The following NCOA3 variants were observed in gnomAD, a reference collection of about 807,000 sequenced individuals.
The protein encoded by NCOA3 is CBP-interacting protein.
A neutral mutation model predicts 158.8 loss-of-function variants in NCOA3; 51 were observed. The observed-to-expected ratio is 0.32, with a 90% CI of 0.26 to 0.41. The LOEUF is 0.41. Among genes scored for constraint, NCOA3 ranks in the 10% least tolerant of loss-of-function variants. NCOA3 has a pLI of 1.00. For missense variants in NCOA3, 1,510 were observed against 1,746.6 expected (o/e 0.86, Z 2.41); for synonymous variants, 537 against 592.4 (o/e 0.91, Z 1.36).
chr20:47,577,648 A>G (rs2085392499), intron 1 of NCOA3, among the ~76,000 whole-genome samples: 1 of 152,230 alleles, frequency 6.6e-6, no homozygotes, highest in African/African-American at 2.4e-5. Flanking sequence ...AATTGATGGC[A>G]GCAACTGTGA....
rs149047859 is a variant in NCOA3, at chr20:47,520,127, G to A, written c.-99+18108G>A. On this transcript the variant is annotated intron_variant, in intron 1 of 22. Coordinates refer to ENST00000371998, the MANE Select transcript of NCOA3 (RefSeq NM_181659.3). ...GGTTGTCAGTGGCCTCAGTGCTTTC[G>A]GGCTACACCCTTGTTTACAGTGACA... Among the ~76,000 whole-genome samples the A allele has an allele frequency of 7.9e-3, 1,182 of 150,476 alleles. 20 individuals are homozygous for A. The highest frequency in any genetic ancestry group is 0.027 in the African/African-American group (1,106 of 40,856).
At chr20:47,522,337 C>T (rs1346367220) in intron 1 of NCOA3, among the ~76,000 whole-genome samples, 2 of 150,984 alleles carry the variant, frequency 1.3e-5, no homozygotes, top group East Asian at 3.9e-4. Context: ...CTCCTGACCT[C>T]GTGATCTGCC....
intron 1 of NCOA3, among the ~76,000 whole-genome samples, chr20:47,513,213 T>G (rs558156989): frequency 1.3e-5 from 2 of 152,144 alleles, no homozygotes; most frequent in African/African-American, 4.8e-5. Flanking sequence ...TATTATACAC[T>G]TAGCATATAA....
At chr20:47,507,401 C>A (rs2084046285) in intron 1 of NCOA3, among the ~76,000 whole-genome samples, 2 of 152,154 alleles carry the variant, frequency 1.3e-5, no homozygotes, top group Non-Finnish European at 2.9e-5. Flanking sequence ...ATGTATATCA[C>A]CCCTCCACAC....
At chr20:47,502,439 G>T in intron 1 of NCOA3, among the ~76,000 whole-genome samples, 1 of 152,280 alleles carries the variant, frequency 6.6e-6, no homozygotes, top group East Asian at 1.9e-4. Flanking sequence ...GCAGCTTCTG[G>T]GACGCACGGG....
In NCOA3 at chr20:47,553,132, G is replaced by A. The variant is rs575365951; in HGVS notation, c.-98-30051G>A. Among the ~76,000 whole-genome samples, 379 of 151,990 alleles carry A rather than the reference G, an allele frequency of 2.5e-3. 1 individual carries two copies. Among genetic ancestry groups the A allele is most frequent in the African/African-American group, 8.7e-3 (360 of 41,452 alleles). The stretch of plus-strand genomic sequence containing the variant: ...TATTTTTATGTAGAGACGGGGTTTC[G>A]CCATGTTGCTCAGTCTGGTCTTGAA... On this transcript the variant is annotated intron_variant, in intron 1 of 22. Coordinates refer to ENST00000371998, the MANE Select transcript of NCOA3 (RefSeq NM_181659.3).
chr20:47,541,975 T>G (rs922759723), intron 1 of NCOA3, among the ~76,000 whole-genome samples: 1 of 150,756 alleles, frequency 6.6e-6, no homozygotes, highest in Non-Finnish European at 1.5e-5. Flanking sequence ...TCTTTTTTCC[T>G]TCCAATTTAT....
chr20:47,570,120 T>G (rs557418018), intron 1 of NCOA3, among the ~76,000 whole-genome samples: 1 of 152,268 alleles, frequency 6.6e-6, no homozygotes, highest in East Asian at 1.9e-4. Flanking sequence ...TTCACTGGGG[T>G]AGATGCCATC....
intron 1 of NCOA3, among the ~76,000 whole-genome samples, chr20:47,535,814 G>A (rs1258545326): frequency 6.6e-6 from 1 of 151,970 alleles, no homozygotes; most frequent in African/African-American, 2.4e-5. Context: ...CCGAGTGCAA[G>A]GTTTTATTGA....
chr20:47,502,648 T>G (rs2083956280), intron 1 of NCOA3, among the ~76,000 whole-genome samples: 1 of 151,670 alleles, frequency 6.6e-6, no homozygotes, highest in Admixed American at 6.6e-5. Flanking sequence ...GGCTGGGAAA[T>G]GGCAAGTGGG....
At position 47,656,800 on chromosome 20, in the gene NCOA3, TG is replaced by T. The variant is rs1387561434; in HGVS notation, c.*3388del. On this transcript the variant is annotated 3_prime_UTR_variant, in exon 23 of 23. Coordinates refer to ENST00000371998, the MANE Select transcript of NCOA3 (RefSeq NM_181659.3). Reference sequence around the variant, plus strand: ...AATTGAAACCACATGAAATGACTTATGGGGGATGGTGAGCTGTGACTGCTTT... The same window carrying T: ...AATTGAAACCACATGAAATGACTTATGGGGATGGTGAGCTGTGACTGCTTT... The T allele has an allele frequency of 6.6e-6, 1 of 152,214 alleles. No individual in the cohort carries two copies. The highest frequency in any genetic ancestry group is 1.5e-5 in the Non-Finnish European group (1 of 67,992). The allele number at this position is 152,214 out of a possible 1,614,324, so 9.4% of individuals were successfully genotyped here.
At chr20:47,612,016 G>A (rs1029516655) in intron 2 of NCOA3, among the ~76,000 whole-genome samples, 8 of 152,072 alleles carry the variant, frequency 5.3e-5, no homozygotes, top group Non-Finnish European at 7.4e-5. Flanking sequence ...TTGTAGAGAC[G>A]GCGTTTTGCC....
At position 47,597,870 on chromosome 20, in the gene NCOA3, C is replaced by A. The variant is rs118186110; in HGVS notation, c.-20+14609C>A. On this transcript the variant is annotated intron_variant, in intron 2 of 22. Transcript: ENST00000371998. ...TCTCTTCTTGCATGTTGTCTGCTTT[C>A]CCCATTAGAGCCCGTTAACATATTA... Among the ~76,000 whole-genome samples, 1,454 of 152,136 alleles carry A rather than the reference C, an allele frequency of 9.6e-3. 13 individuals carry two copies. Among genetic ancestry groups the A allele is most frequent in the Non-Finnish European group, 0.015 (997 of 67,984 alleles).
chr20:47,588,519 G>A (rs958291688), intron 2 of NCOA3, among the ~76,000 whole-genome samples: 1 of 152,036 alleles, frequency 6.6e-6, no homozygotes, highest in African/African-American at 2.4e-5. Flanking sequence ...TTATTTACTT[G>A]TTTGCTTATG....
At chr20:47,578,145 G>C (rs1290507649) in intron 1 of NCOA3, among the ~76,000 whole-genome samples, 2 of 151,634 alleles carry the variant, frequency 1.3e-5, no homozygotes, top group Non-Finnish European at 2.9e-5. Context: ...ACTGAGTTAA[G>C]TTTATATAGC....
chr20:47,535,591 T>G (rs777805617), intron 1 of NCOA3, among the ~76,000 whole-genome samples: 5 of 151,740 alleles, frequency 3.3e-5, no homozygotes, highest in Admixed American at 6.6e-5. Flanking sequence ...CACTGCAGCC[T>G]CCTCCTCCCA....
chr20:47,531,695 G>T (rs757217634), intron 1 of NCOA3, among the ~76,000 whole-genome samples: 7 of 152,004 alleles, frequency 4.6e-5, no homozygotes, highest in Non-Finnish European at 7.4e-5. Context: ...ACCTCTTCAT[G>T]CACTTCCCCT....
chr20:47,507,105 A>T (rs779231686), intron 1 of NCOA3, among the ~76,000 whole-genome samples: 1 of 152,250 alleles, frequency 6.6e-6, no homozygotes, highest in Non-Finnish European at 1.5e-5. Context: ...TGCAGAAGTC[A>T]GCATAATCCT....
chr20:47,585,702 A>G (rs902273755), intron 2 of NCOA3, among the ~76,000 whole-genome samples: 1 of 152,160 alleles, frequency 6.6e-6, no homozygotes, highest in Admixed American at 6.5e-5. Context: ...TCCTAAATGT[A>G]TACTTTTAGC....
Sources: allele counts gnomAD v4.1 joint callset (sites outside exome capture counted in the v4.1 genomes callset), GRCh38; gene constraint gnomAD v4.1.1; transcripts MANE v1.5; gene names NCBI Gene and HGNC (gene_info 2026-07-23, HGNC 2026-07-21).